Variants in CEP85L observed in about 807,000 individuals in gnomAD.
The protein encoded by CEP85L is centrosomal protein 85L.
In CEP85L, 60 loss-of-function variants were observed where a neutral mutation model predicts 100.3. The observed-to-expected ratio is 0.60, with a 90% CI of 0.49 to 0.74. The LOEUF is 0.74. Ranked by LOEUF, CEP85L falls within the 30% of genes least tolerant of loss-of-function variation. The pLI is 0.00. For missense variants in CEP85L, 973 were observed against 936.2 expected (o/e 1.04, Z -0.51); for synonymous variants, 319 against 322.7 (o/e 0.99, Z 0.12).
At chr6:118,622,502 C>A (rs936322342) in intron 2 of CEP85L, among the ~76,000 whole-genome samples, 1 of 152,200 alleles carries the variant, frequency 6.6e-6, no homozygotes, top group Admixed American at 6.5e-5. Context: ...GTACAAAGGG[C>A]AGGCTATGCC....
intron 2 of CEP85L, among the ~76,000 whole-genome samples, chr6:118,581,345 T>C (rs536550066): frequency 1.6e-4 from 24 of 152,278 alleles, no homozygotes; most frequent in African/African-American, 5.1e-4. Context: ...TGGGCCATAA[T>C]AGCAGGATAT....
At chr6:118,597,343 A>ATATTCTGTATTCTG (rs1781508856) in intron 2 of CEP85L, among the ~76,000 whole-genome samples, 4 of 152,234 alleles carry the variant, frequency 2.6e-5, no homozygotes, top group Non-Finnish European at 5.9e-5. Flanking sequence ...TTCCATTAGA[A>ATATTCTGTATTCTG]TATTCTGTAT....
chr6:118,576,155 G>A (rs1392843134), intron 2 of CEP85L, among the ~76,000 whole-genome samples: 2 of 152,132 alleles, frequency 1.3e-5, no homozygotes, highest in African/African-American at 4.8e-5. Flanking sequence ...TGGAAACCTG[G>A]TTACCATGGA....
At chr6:118,654,500 A>G (rs907661777), upstream of CEP85L, among the ~76,000 whole-genome samples, 2 of 152,252 alleles carry the variant, frequency 1.3e-5, no homozygotes, top group African/African-American at 4.8e-5. Context: ...TCCAAGGACT[A>G]GACAATTCTT....
chr6:118,480,259 C>T (rs537345066), intron 9 of CEP85L, 137 bp downstream of exon 9: 3 of 510,272 alleles, frequency 5.9e-6, no homozygotes, highest in Non-Finnish European at 1.0e-5. Flanking sequence ...CAAATAAAAA[C>T]ATTCAAACTA....
chr6:118,517,733 T>C (rs1776365875), intron 4 of CEP85L, among the ~76,000 whole-genome samples: 1 of 152,228 alleles, frequency 6.6e-6, no homozygotes, highest in Non-Finnish European at 1.5e-5. Flanking sequence ...TTTATTTCTT[T>C]CTCTTGCCTG....
At chr6:118,522,941 T>C (rs775902001) in intron 4 of CEP85L, among the ~76,000 whole-genome samples, 15 of 152,204 alleles carry the variant, frequency 9.9e-5, no homozygotes, top group Non-Finnish European at 1.9e-4. Flanking sequence ...TGGTCTAGTT[T>C]ATATTCCAGT....
intron 9 of CEP85L, 38 bp from the exon 10 acceptor site, chr6:118,479,959 T>C: frequency 9.4e-7 from 1 of 1,066,114 alleles, no homozygotes; most frequent in Non-Finnish European, 1.4e-6. Context: ...AAATAATTTT[T>C]ACATCGCTTC....
At chr6:118,629,783 A>T (rs1436734941) in intron 2 of CEP85L, among the ~76,000 whole-genome samples, 3 of 152,118 alleles carry the variant, frequency 2.0e-5, no homozygotes, top group African/African-American at 7.2e-5. Context: ...TAGCTAAAAG[A>T]CCCCAAAATT....
At chr6:118,678,916 G>A (rs1228129668) in intron 1 of CEP85L, among the ~76,000 whole-genome samples, 2 of 118,316 alleles carry the variant, frequency 1.7e-5, no homozygotes, top group African/African-American at 7.3e-5. Flanking sequence ...TGGCAACAGA[G>A]TGAGACTAAG....
chr6:118,652,605 A>G (rs1024130673), upstream of CEP85L: 79 of 1,508,114 alleles, frequency 5.2e-5, no homozygotes, highest in African/African-American at 1.0e-3. Flanking sequence ...AAGGCCTCAT[A>G]TTTGCATTTT....
intron 1 of CEP85L, among the ~76,000 whole-genome samples, chr6:118,675,949 A>G (rs554923992): frequency 6.6e-6 from 1 of 152,330 alleles, no homozygotes; most frequent in East Asian, 1.9e-4. Context: ...ATGAACAATA[A>G]TAAAAGAGAT....
At chr6:118,600,361 G>GTC (rs1562298077) in intron 2 of CEP85L, among the ~76,000 whole-genome samples, 5 of 137,472 alleles carry the variant, frequency 3.6e-5, no homozygotes, top group African/African-American at 1.1e-4. Context: ...GTGTGTGTGT[G>GTC]TGTGTGTGTA....
At chr6:118,499,808 G>A (rs957839606) in intron 5 of CEP85L, among the ~76,000 whole-genome samples, 4 of 151,904 alleles carry the variant, frequency 2.6e-5, no homozygotes, top group South Asian at 2.1e-4. Flanking sequence ...TTGAAGCTTC[G>A]CCACCAAGAT....
At position 118,464,992 on chromosome 6, in the gene CEP85L, T is replaced by C. The variant is rs1772413932; in HGVS notation, c.*413A>G. The C allele has an allele frequency of 6.5e-6, 1 of 154,980 alleles. No individual in the cohort carries two copies. The highest frequency in any genetic ancestry group is 6.5e-5 in the Admixed American group (1 of 15,406). The allele number at this position is 154,980 out of a possible 1,614,324, so 9.6% of individuals were successfully genotyped here. ...TGTGCCTTTCTCAGAAGCTCTGCTC[T>C]GACCCTAGAAACCCTTATAAATTTG... On this transcript the variant is annotated 3_prime_UTR_variant, in exon 13 of 13. Transcript: ENST00000368491.
rs1233718951 is a variant in CEP85L at position 118,519,464 on chromosome 6, GTGTGTGT to G, written c.1139+4331_1139+4337del. ...TGTGTGTGTGTGTGTGTGTGTGTGT[GTGTGTGT>G]GTGGCGGGGGGGGGTTGTGAAACTC... On this transcript the variant is annotated intron_variant, in intron 4 of 12. Transcript: ENST00000368491. 7.5e-4 allele frequency among the ~76,000 whole-genome samples: 49 copies of G among 65,314 alleles called. 1 individual carries two copies. The highest frequency in any genetic ancestry group is 1.0e-3 in the Non-Finnish European group (32 of 30,668). 42.8% of individuals were successfully genotyped at this position (65,314 alleles called of 152,430 possible).
intron 1 of CEP85L, among the ~76,000 whole-genome samples, chr6:118,636,547 A>G (rs1774504287): frequency 7.0e-6 from 1 of 143,006 alleles, no homozygotes; most frequent in Non-Finnish European, 1.5e-5. Context: ...GCAGTCAAAC[A>G]TTACTTCCGT....
intron 3 of CEP85L, among the ~76,000 whole-genome samples, chr6:118,544,597 C>T (rs946775841): frequency 6.6e-6 from 1 of 152,138 alleles, no homozygotes; most frequent in Non-Finnish European, 1.5e-5. Context: ...GAGTCCTTTT[C>T]TTAATCCATC....
intron 2 of CEP85L, among the ~76,000 whole-genome samples, chr6:118,567,247 GTGTATATATATATATATA>G (rs1333847244): frequency 9.4e-5 from 3 of 31,912 alleles, no homozygotes; most frequent in South Asian, 8.6e-4. Flanking sequence ...GTGTGTGTGT[GTGTATATATATATATATA>G]TATATATATA....
Sources: gnomAD v4.1 joint callset for allele counts (sites outside exome capture counted in the v4.1 genomes callset) on GRCh38, gnomAD v4.1.1 for gene constraint, MANE v1.5 for transcripts, NCBI Gene and HGNC (gene_info 2026-07-23, HGNC 2026-07-21) for gene names.